Variants in NECTIN3 observed in about 807,000 individuals in gnomAD.
NECTIN3 encodes the protein nectin cell adhesion molecule 3.
In NECTIN3, 8 loss-of-function variants were observed where a neutral mutation model predicts 49.4. The ratio of observed to expected loss-of-function variants is 0.16; its 90% CI spans 0.10 to 0.29. The LOEUF (loss-of-function observed/expected upper bound fraction) is 0.29. NECTIN3 is among the 10% of genes least tolerant of loss of function. NECTIN3 has a pLI of 1.00. For synonymous variants in NECTIN3, 277 were observed against 241.1 expected (o/e 1.15, Z -1.38); for missense variants, 581 against 654.6 (o/e 0.89, Z 1.23).
chr3:111,116,490 C>A (rs1350998290), intron 2 of NECTIN3, among the ~76,000 whole-genome samples: 1 of 151,974 alleles, frequency 6.6e-6, no homozygotes, highest in Non-Finnish European at 1.5e-5. Flanking sequence ...TCAAATTCTA[C>A]AAAGTTAAAG....
At chr3:111,177,889 A>G (rs778270974) in intron 7 of NECTIN3, among the ~76,000 whole-genome samples, 1 of 152,214 alleles carries the variant, frequency 6.6e-6, no homozygotes, top group Non-Finnish European at 1.5e-5. Flanking sequence ...ATTTGCCTGC[A>G]AATAATTCAT....
intron 1 of NECTIN3, among the ~76,000 whole-genome samples, chr3:111,109,450 T>A (rs1437148141): frequency 6.6e-6 from 1 of 152,146 alleles, no homozygotes; most frequent in East Asian, 1.9e-4. Context: ...ATACAGAAAG[T>A]TTTGTCTATA....
chr3:111,170,913 A>G (rs896129853), intron 7 of NECTIN3, among the ~76,000 whole-genome samples: 1 of 152,198 alleles, frequency 6.6e-6, no homozygotes, highest in Non-Finnish European at 1.5e-5. Context: ...TTTGTCAAGG[A>G]TTAAGTAATT....
intron 1 of NECTIN3, among the ~76,000 whole-genome samples, chr3:111,098,255 CA>C (rs1331973467): frequency 3.3e-5 from 5 of 152,204 alleles, no homozygotes; most frequent in Admixed American, 3.3e-4. Flanking sequence ...GGTATCATGC[CA>C]AATTTAGTGC....
At chr3:111,106,976 G>C (rs182737546) in intron 1 of NECTIN3, among the ~76,000 whole-genome samples, 1 of 152,178 alleles carries the variant, frequency 6.6e-6, no homozygotes. Flanking sequence ...AAAAAGTGTA[G>C]TGTCAAAAGT....
At chr3:111,128,569 C>G (rs1452380688) in intron 5 of NECTIN3, among the ~76,000 whole-genome samples, 1 of 152,052 alleles carries the variant, frequency 6.6e-6, no homozygotes, top group Admixed American at 6.5e-5. Context: ...CTCCTTGATA[C>G]CAAACATATT....
In NECTIN3 at chr3:111,112,165, C is replaced by T. The variant is rs753688037; in HGVS notation, c.296C>T (p.Ser99Leu). 3 of 1,613,890 alleles carry T rather than the reference C, an allele frequency of 1.9e-6. No individual in the cohort carries two copies. Among genetic ancestry groups the T allele is most frequent in the Non-Finnish European group, 2.5e-6 (3 of 1,179,892 alleles). ...ISWEKIHGKS[S>L]QTVAVHHPQY... ...TGGGAGAAGATACATGGCAAAAGTT[C>T]ACAGACTGTTGCAGTTCACCATCCC... The change falls in exon 2 of 6, where the codon TCA becomes TTA. Residue 99 changes from serine (S) to leucine (L), a missense_variant. Ser to Leu is a moderately radical substitution (Grantham distance 145, BLOSUM62 -2). Transcript: ENST00000485303.
intron 1 of NECTIN3, among the ~76,000 whole-genome samples, chr3:111,083,599 T>A (rs1001903210): frequency 6.6e-6 from 1 of 152,000 alleles, no homozygotes; most frequent in Non-Finnish European, 1.5e-5. Context: ...TAACAAAGAG[T>A]GTAAGCCAGC....
chr3:111,074,511 G>A (rs916568620), intron 1 of NECTIN3, among the ~76,000 whole-genome samples: 1 of 152,034 alleles, frequency 6.6e-6, no homozygotes, highest in Non-Finnish European at 1.5e-5. Context: ...TTGATATATA[G>A]CGTGGCCTTA....
chr3:111,120,937 A>G (rs1424779671), intron 3 of NECTIN3, among the ~76,000 whole-genome samples: 1 of 151,740 alleles, frequency 6.6e-6, no homozygotes, highest in Non-Finnish European at 1.5e-5. Context: ...CTATTAGAAT[A>G]TAAATTTTAT....
chr3:111,193,460 A>G, intron 1 of NECTIN3: 2 of 1,391,230 alleles, frequency 1.4e-6, no homozygotes, highest in Non-Finnish European at 1.9e-6. Flanking sequence ...TAGTTATTTT[A>G]CTGTCTCTCA....
chr3:111,111,899 ATGTGTGTGTGTGTG>A lies in NECTIN3; in HGVS notation c.161-109_161-96del, dbSNP rs10581136. 484 of 581,034 alleles carry A rather than the reference ATGTGTGTGTGTGTG, an allele frequency of 8.3e-4. 1 individual carries two copies. Among genetic ancestry groups the A allele is most frequent in the South Asian group, 4.8e-3 (218 of 44,978 alleles). 36.0% of individuals were successfully genotyped at this position (581,034 alleles called of 1,614,324 possible). A position where few individuals can be genotyped will look rare whatever the true frequency, so the allele number is the denominator to read the frequency against. The stretch of plus-strand genomic sequence containing the variant: ...TGTGAGTGCATGTGTGTGTGTGTGC[ATGTGTGTGTGTGTG>A]TGTGTGTGTGTGTGTGTGTGTAGCT... On this transcript the variant is annotated intron_variant, in intron 1 of 5. Transcript: ENST00000485303.
At position 111,155,008 on chromosome 3, in the gene NECTIN3, G is replaced by A. The variant is rs550408204; in HGVS notation, c.1221+7524G>A. On this transcript the variant is annotated intron_variant, in intron 7 of 8. Coordinates refer to the NECTIN3 transcript ENST00000493615. ...CTGGAGTGCAGTGGGTGCAATCTTGGCTCACTGCAACCTCCTACTCCCAGG... is the reference window on the plus strand; with the variant it reads ...CTGGAGTGCAGTGGGTGCAATCTTGACTCACTGCAACCTCCTACTCCCAGG... Among the ~76,000 whole-genome samples the A allele has an allele frequency of 1.6e-4, 25 of 152,120 alleles. No homozygotes were observed. In the South Asian group the frequency reaches 5.0e-3, roughly 30 times the overall value.
At chr3:111,182,763 G>T (rs1221920894) in intron 7 of NECTIN3, among the ~76,000 whole-genome samples, 2 of 151,770 alleles carry the variant, frequency 1.3e-5, no homozygotes, top group Non-Finnish European at 2.9e-5. Context: ...ACATGTAGTT[G>T]GGTATTGCCT....
intron 7 of NECTIN3, among the ~76,000 whole-genome samples, chr3:111,171,663 A>G (rs1034550424): frequency 1.3e-5 from 2 of 152,032 alleles, no homozygotes; most frequent in East Asian, 3.9e-4. Flanking sequence ...AAACCTATTT[A>G]TAGAGATATT....
At chr3:111,085,936 G>T (rs1418325839) in intron 1 of NECTIN3, among the ~76,000 whole-genome samples, 1 of 152,090 alleles carries the variant, frequency 6.6e-6, no homozygotes, top group Admixed American at 6.5e-5. Context: ...CACCAATAAT[G>T]TTTGAGAGTT....
intron 7 of NECTIN3, among the ~76,000 whole-genome samples, chr3:111,169,079 CTTTTTTTTTTTTTTT>C (rs142606359): frequency 3.8e-5 from 4 of 104,134 alleles, no homozygotes; most frequent in African/African-American, 1.8e-4. Context: ...ACTATTCAAA[CTTTTTTTTTTTTTTT>C]TTTTTTTTTT....
intron 7 of NECTIN3, among the ~76,000 whole-genome samples, chr3:111,165,565 G>A (rs146925089): frequency 5.3e-5 from 8 of 152,156 alleles, no homozygotes; most frequent in Admixed American, 3.9e-4. Context: ...CCATACTGCC[G>A]GAGTACGGTA....
rs966583340 is a variant in NECTIN3 at position 111,102,879 on chromosome 3, T to G, written c.161-9151T>G. On this transcript the variant is annotated intron_variant, in intron 1 of 5. Coordinates refer to ENST00000485303, the MANE Select transcript of NECTIN3 (RefSeq NM_015480.3). ...TTATTTGTATGTGGATGTCTGGTTG[T>G]TCCAGCATCATTTGTTGAAAAGATC... Among the ~76,000 whole-genome samples the G allele has an allele frequency of 7.9e-5, 12 of 152,222 alleles. No homozygotes were observed. The South Asian group carries it at 2.5e-3, about 31-fold the overall frequency.
Sources: gnomAD v4.1 joint callset for allele counts (sites outside exome capture counted in the v4.1 genomes callset) on GRCh38, gnomAD v4.1.1 for gene constraint, MANE v1.5 for transcripts, NCBI Gene and HGNC (gene_info 2026-07-23, HGNC 2026-07-21) for gene names.